Variants in TMPRSS11D observed in about 807,000 individuals in gnomAD.
TMPRSS11D encodes transmembrane serine protease 11D.
A neutral mutation model predicts 44.4 loss-of-function variants in TMPRSS11D; 32 were observed. That is an observed-to-expected ratio of 0.72 (90% CI 0.54 to 0.97). The LOEUF is 0.97. TMPRSS11D is among the 50% of genes least tolerant of loss of function. The probability of loss-of-function intolerance (pLI) is 0.00; values close to 1 mark genes in which losing one functional copy is unlikely to be tolerated. For synonymous variants in TMPRSS11D, 179 were observed against 177.9 expected (o/e 1.01, Z -0.05); for missense variants, 446 against 502.6 (o/e 0.89, Z 1.08).
At position 67,821,380 on chromosome 4, in the gene TMPRSS11D, T is replaced by C. The variant is rs915579799; in HGVS notation, c.*957A>G. 2.0e-5 allele frequency: 3 copies of C among 152,170 alleles called. No individual in the cohort carries two copies. The highest frequency in any genetic ancestry group is 2.9e-5 in the Non-Finnish European group (2 of 68,026). The allele number at this position is 152,170 out of a possible 1,614,324, so 9.4% of individuals were successfully genotyped here. A position where few individuals can be genotyped will look rare whatever the true frequency, so the allele number is the denominator to read the frequency against. On this transcript the variant is annotated 3_prime_UTR_variant, in exon 10 of 10. Transcript: ENST00000283916. ...TCCTTTGCAAACCAACTCTTCCCCC[T>C]CTTTAAACTTTCAATTCGTTACTTA...
intron 3 of TMPRSS11D, among the ~76,000 whole-genome samples, chr4:67,844,969 T>G (rs887592524): frequency 5.9e-5 from 9 of 152,158 alleles, no homozygotes; most frequent in African/African-American, 2.2e-4. Context: ...TTACTTGACT[T>G]TAATCGAAGT....
chr4:67,859,453 A>C (rs997537287), intron 2 of TMPRSS11D, 104 bp downstream of exon 2: 41 of 1,290,408 alleles, frequency 3.2e-5, no homozygotes, highest in Non-Finnish European at 3.8e-5. Context: ...TAATCACATT[A>C]TATTAAGAAA....
Position 67,883,923 on chromosome 4 carries a change from T to G in TMPRSS11D, c.8+3A>C. The G allele has an allele frequency of 6.2e-7, 1 of 1,602,042 alleles. No individual in the cohort carries two copies. Among genetic ancestry groups the G allele is most frequent in the Non-Finnish European group, 8.5e-7 (1 of 1,174,822 alleles). On this transcript the variant is annotated splice_donor_region_variant and intron_variant, in intron 1 of 9. Coordinates refer to ENST00000283916, the MANE Select transcript of TMPRSS11D (RefSeq NM_004262.3). The stretch of plus-strand genomic sequence containing the variant: ...AAGCTACAAAGACAAAAACAGGACT[T>G]ACCTATACATTTTAATCCTTAATGA...
intron 3 of TMPRSS11D, among the ~76,000 whole-genome samples, chr4:67,851,646 C>T (rs1298925324): frequency 1.3e-5 from 2 of 152,162 alleles, no homozygotes; most frequent in African/African-American, 2.4e-5. Context: ...GTGGTCTGGG[C>T]ATCCATTCCT....
rs1718548296 is a variant in TMPRSS11D, at chr4:67,853,165, T to C, written c.249+903A>G. ...ATTTTGTAGGCAAAAAGTCTTGAGC[T>C]GGAGGTAACATGAAGGAAACAGGCT... On this transcript the variant is annotated intron_variant, in intron 3 of 9. Transcript: ENST00000283916. 1.3e-5 allele frequency among the ~76,000 whole-genome samples: 2 copies of C among 152,138 alleles called. 1 individual carries two copies. Among genetic ancestry groups the C allele is most frequent in the South Asian group, 4.1e-4 (2 of 4,832 alleles).
chr4:67,848,347 G>A (rs957928757), intron 3 of TMPRSS11D, among the ~76,000 whole-genome samples: 2 of 152,206 alleles, frequency 1.3e-5, no homozygotes, highest in Non-Finnish European at 2.9e-5. Flanking sequence ...AGGTACTTTC[G>A]TTATTTCTAA....
Position 67,854,137 on chromosome 4 carries a change from T to G in TMPRSS11D, c.180A>C (p.Glu60Asp), listed in dbSNP as rs767783090. ...YRSSFQLLNV[E>D]YNSQLNSPAT... ...CTGGTGAATTTAACTGACTATTATA[T>G]TCAACATTTAGGAGTTGAAAACTGC... Residue 60 changes from glutamate to aspartate, a missense_variant, in exon 3 of 10, where the codon GAA becomes GAC. Physicochemically the swap from Glu to Asp is conservative, Grantham distance 45. Transcript: ENST00000283916. 14 of 1,599,988 alleles carry G rather than the reference T, an allele frequency of 8.8e-6. No individual in the cohort carries two copies. Among genetic ancestry groups the G allele is most frequent in the Non-Finnish European group, 1.2e-5 (14 of 1,174,834 alleles).
intron 1 of TMPRSS11D, among the ~76,000 whole-genome samples, chr4:67,883,686 C>T (rs1203114147): frequency 2.0e-5 from 3 of 151,978 alleles, no homozygotes; most frequent in Admixed American, 6.6e-5. Context: ...GTTGTCATAA[C>T]GCTAAGCTAA....
intron 1 of TMPRSS11D, among the ~76,000 whole-genome samples, chr4:67,876,046 A>G (rs988020265): frequency 3.9e-5 from 6 of 152,206 alleles, no homozygotes; most frequent in African/African-American, 1.4e-4. Context: ...GAACAAATGT[A>G]CTTGTTTACT....
intron 3 of TMPRSS11D, among the ~76,000 whole-genome samples, chr4:67,853,420 T>C (rs182756162): frequency 2.8e-4 from 42 of 152,344 alleles, no homozygotes; most frequent in African/African-American, 7.5e-4. Context: ...TGTAGAACCA[T>C]TGAATTACTT....
At chr4:67,854,264 G>A in intron 2 of TMPRSS11D, 78 bp from the exon 3 acceptor site, 3 of 720,344 alleles carry the variant, frequency 4.2e-6, no homozygotes, top group Non-Finnish European at 6.7e-6. Context: ...GATTATGGGA[G>A]GTTATATTAT....
At chr4:67,848,711 A>G (rs1284116323) in intron 3 of TMPRSS11D, among the ~76,000 whole-genome samples, 5 of 152,216 alleles carry the variant, frequency 3.3e-5, no homozygotes, top group Admixed American at 3.3e-4. Context: ...AATGAATGGC[A>G]CATGCACAGT....
intron 7 of TMPRSS11D, among the ~76,000 whole-genome samples, chr4:67,829,225 T>A (rs1717881301): frequency 1.3e-5 from 2 of 152,016 alleles, no homozygotes; most frequent in South Asian, 4.1e-4. Context: ...GGACCCTCAG[T>A]TCTTTAGGGA....
chr4:67,834,652 A>G lies in TMPRSS11D; in HGVS notation c.514+431T>C, dbSNP rs548927393. Among the ~76,000 whole-genome samples the G allele has an allele frequency of 3.3e-5, 5 of 152,284 alleles. No individual in the cohort carries two copies. The East Asian group carries it at 9.6e-4, about 29-fold the overall frequency. ...ACCCAAAGCTGGGAAGACTTCTGAC[A>G]ATTCTTTTTTATTATACTTTGTGAT... On this transcript the variant is annotated intron_variant, in intron 6 of 9. Coordinates refer to ENST00000283916, the MANE Select transcript of TMPRSS11D (RefSeq NM_004262.3).
intron 1 of TMPRSS11D, among the ~76,000 whole-genome samples, chr4:67,880,531 A>AT (rs1307069152): frequency 2.0e-4 from 30 of 152,324 alleles, no homozygotes; most frequent in African/African-American, 7.2e-4. Context: ...TTCTTGCACT[A>AT]TTAAATTCAG....
chr4:67,842,701 A>T, intron 3 of TMPRSS11D, 76 bp from the exon 4 acceptor site: 2 of 1,319,900 alleles, frequency 1.5e-6, no homozygotes, highest in Non-Finnish European at 2.1e-6. Flanking sequence ...TTGCAACATG[A>T]GACATGTTAA....
chr4:67,878,137 C>T (rs902214319), intron 1 of TMPRSS11D, among the ~76,000 whole-genome samples: 8 of 152,140 alleles, frequency 5.3e-5, no homozygotes, highest in Admixed American at 5.2e-4. Context: ...CTTCAAAAAC[C>T]AGCATGATCT....
intron 3 of TMPRSS11D, among the ~76,000 whole-genome samples, chr4:67,849,117 G>T (rs1718431681): frequency 6.6e-6 from 1 of 152,168 alleles, no homozygotes; most frequent in Non-Finnish European, 1.5e-5. Context: ...AGTGGCTGCT[G>T]ATGGATAGGA....
chr4:67,863,130 A>G (rs1169235675), intron 1 of TMPRSS11D, among the ~76,000 whole-genome samples: 1 of 151,212 alleles, frequency 6.6e-6, no homozygotes, highest in East Asian at 1.9e-4. Context: ...AGTACAACTC[A>G]TAACTCTTAT....
Sources: allele counts gnomAD v4.1 joint callset (sites outside exome capture counted in the v4.1 genomes callset), GRCh38; gene constraint gnomAD v4.1.1; transcripts MANE v1.5; gene names NCBI Gene and HGNC (gene_info 2026-07-23, HGNC 2026-07-21).